The following SORCS1 variants were observed in gnomAD, a reference collection of about 807,000 sequenced individuals.
SORCS1 encodes VPS10 domain-containing receptor SorCS1.
Under a neutral mutation model 146.1 loss-of-function variants are expected in SORCS1, and 60 were observed. The ratio of observed to expected loss-of-function variants is 0.41; its 90% CI spans 0.33 to 0.51. The LOEUF (loss-of-function observed/expected upper bound fraction) is 0.51. SORCS1 is among the 20% of genes least tolerant of loss of function. SORCS1 has a pLI of 0.21. For synonymous variants in SORCS1, 637 were observed against 584.0 expected (o/e 1.09, Z -1.31); for missense variants, 1,352 against 1,487.6 (o/e 0.91, Z 1.50).
intron 1 of SORCS1, among the ~76,000 whole-genome samples, chr10:107,153,176 GT>G (rs533729458): frequency 3.5e-4 from 50 of 144,414 alleles, no homozygotes; most frequent in African/African-American, 9.1e-4. Context: ...CCTTCTCTCT[GT>G]TTTTTTTTTC....
intron 24 of SORCS1, among the ~76,000 whole-genome samples, chr10:106,592,795 G>C (rs1329213628): frequency 4.0e-5 from 6 of 148,172 alleles, no homozygotes. Context: ...TTTTTTTCAG[G>C]CTTCCTTCTC....
intron 1 of SORCS1, among the ~76,000 whole-genome samples, chr10:107,012,285 T>C (rs1957726703): frequency 6.6e-6 from 1 of 152,200 alleles, no homozygotes; most frequent in African/African-American, 2.4e-5. Flanking sequence ...ATTTGAGATA[T>C]GTCAGCAGAG....
At chr10:106,952,581 GTTATA>G (rs1954741394) in intron 2 of SORCS1, among the ~76,000 whole-genome samples, 1 of 75,568 alleles carries the variant, frequency 1.3e-5, no homozygotes, top group South Asian at 5.0e-4. Context: ...ATTATACTAT[GTTATA>G]TTATATATTA....
At chr10:107,009,611 C>G (rs1957608784) in intron 1 of SORCS1, among the ~76,000 whole-genome samples, 1 of 152,136 alleles carries the variant, frequency 6.6e-6, no homozygotes. Context: ...AGTTTGTACT[C>G]AACATATAAA....
chr10:106,968,052 A>G (rs1405113372), intron 1 of SORCS1, among the ~76,000 whole-genome samples: 3 of 151,816 alleles, frequency 2.0e-5, no homozygotes, highest in South Asian at 2.1e-4. Flanking sequence ...AAGAAAAAAA[A>G]AAAAAAAGTT....
At chr10:106,734,649 T>C (rs1484793452) in intron 5 of SORCS1, among the ~76,000 whole-genome samples, 1 of 152,200 alleles carries the variant, frequency 6.6e-6, no homozygotes. Context: ...TTTGTTAAGT[T>C]AGTTAACATC....
intron 3 of SORCS1, among the ~76,000 whole-genome samples, chr10:106,813,323 G>A (rs748133666): frequency 7.9e-5 from 12 of 151,500 alleles, no homozygotes; most frequent in Non-Finnish European, 1.6e-4. Context: ...TAGTAGAGAC[G>A]GGGTTTCACT....
intron 1 of SORCS1, among the ~76,000 whole-genome samples, chr10:107,139,181 C>A (rs1967586421): frequency 6.6e-6 from 1 of 152,106 alleles, no homozygotes; most frequent in African/African-American, 2.4e-5. Context: ...TCTGGATATT[C>A]TTTCTTTAAA....
chr10:106,705,298 A>G (rs1854437669), intron 8 of SORCS1, among the ~76,000 whole-genome samples: 1 of 152,212 alleles, frequency 6.6e-6, no homozygotes, highest in Non-Finnish European at 1.5e-5. Context: ...TAATGGGCTG[A>G]GGCTTACATC....
intron 2 of SORCS1, among the ~76,000 whole-genome samples, chr10:106,894,235 G>A (rs939052809): frequency 6.6e-6 from 1 of 151,412 alleles, no homozygotes; most frequent in Non-Finnish European, 1.5e-5. Flanking sequence ...GGGCATGTGT[G>A]CATGTGTGTG....
chr10:106,683,680 C>A (rs1852607911), intron 10 of SORCS1, among the ~76,000 whole-genome samples: 1 of 152,198 alleles, frequency 6.6e-6, no homozygotes, highest in Non-Finnish European at 1.5e-5. Flanking sequence ...CTTCATGGTA[C>A]CTTTATCTCC....
chr10:106,901,087 G>C (rs1306539995), intron 2 of SORCS1, among the ~76,000 whole-genome samples: 1 of 152,064 alleles, frequency 6.6e-6, no homozygotes, highest in Non-Finnish European at 1.5e-5. Flanking sequence ...AAGGATTATA[G>C]CCCAGCACCT....
intron 2 of SORCS1, among the ~76,000 whole-genome samples, chr10:106,919,146 T>C (rs956794426): frequency 7.2e-5 from 11 of 152,236 alleles, no homozygotes; most frequent in African/African-American, 2.4e-4. Context: ...CTGCATATTG[T>C]GCATTTGAAT....
chr10:106,712,522 T>C (rs1218689043), intron 6 of SORCS1, among the ~76,000 whole-genome samples: 3 of 152,214 alleles, frequency 2.0e-5, no homozygotes, highest in African/African-American at 7.2e-5. Context: ...AAACATCATG[T>C]TCTATGGGAC....
intron 1 of SORCS1, among the ~76,000 whole-genome samples, chr10:107,124,694 T>A (rs1377618405): frequency 6.6e-6 from 1 of 152,010 alleles, no homozygotes; most frequent in African/African-American, 2.4e-5. Context: ...TCCATCAACT[T>A]GAGGACTCAT....
intron 1 of SORCS1, among the ~76,000 whole-genome samples, chr10:107,141,692 G>C (rs1967859902): frequency 6.6e-6 from 1 of 152,160 alleles, no homozygotes; most frequent in Admixed American, 6.5e-5. Context: ...CTATTTTAAA[G>C]GCTGCCTGTA....
At chr10:106,595,649 C>T (rs1589688287) in intron 24 of SORCS1, among the ~76,000 whole-genome samples, 1 of 152,136 alleles carries the variant, frequency 6.6e-6, no homozygotes, top group East Asian at 1.9e-4. Context: ...CAGTGGTCAG[C>T]CTGCTTGGCC....
At chr10:107,122,917 T>C (rs1221838504) in intron 1 of SORCS1, among the ~76,000 whole-genome samples, 2 of 152,154 alleles carry the variant, frequency 1.3e-5, no homozygotes, top group African/African-American at 4.8e-5. Flanking sequence ...ACAGTATCAG[T>C]CATTTTGACA....
At chr10:106,779,547 A>C (rs7079042) in intron 3 of SORCS1, among the ~76,000 whole-genome samples, 2 of 84,840 alleles carry the variant, frequency 2.4e-5, no homozygotes, top group Non-Finnish European at 5.6e-5. Flanking sequence ...TATGGCCCAT[A>C]TTTTTTTTTT....
Sources: gnomAD v4.1 joint callset for allele counts (sites outside exome capture counted in the v4.1 genomes callset) on GRCh38, gnomAD v4.1.1 for gene constraint, MANE v1.5 for transcripts, NCBI Gene and HGNC (gene_info 2026-07-23, HGNC 2026-07-21) for gene names.